Variants in ATP6V0D2 observed in about 807,000 individuals in gnomAD.
ATP6V0D2 encodes ATPase H+ transporting V0 subunit d2.
A neutral mutation model predicts 40.0 loss-of-function variants in ATP6V0D2; 40 were observed. That is an observed-to-expected ratio of 1.00 (90% CI 0.78 to 1.30). The LOEUF (loss-of-function observed/expected upper bound fraction) is 1.30, where lower values mean the gene tolerates loss of function less well. ATP6V0D2 is among the 50% of genes most tolerant of loss of function. ATP6V0D2 has a pLI of 0.00. For missense variants in ATP6V0D2, 470 were observed against 423.1 expected (o/e 1.11, Z -0.97); for synonymous variants, 179 against 156.3 (o/e 1.15, Z -1.08).
At chr8:86,150,763 A>G (rs1296801014) in intron 6 of ATP6V0D2, among the ~76,000 whole-genome samples, 1 of 152,140 alleles carries the variant, frequency 6.6e-6, no homozygotes, top group Non-Finnish European at 1.5e-5. Flanking sequence ...AAATCAGGAG[A>G]GGAAACATAG....
intron 5 of ATP6V0D2, among the ~76,000 whole-genome samples, chr8:86,145,255 G>GAGAGAGAAAGAAAGAA (rs1563566173): frequency 3.9e-5 from 2 of 51,834 alleles, no homozygotes; most frequent in African/African-American, 1.1e-4. Context: ...GAGAGAGAGA[G>GAGAGAGAAAGAAAGAA]AGAAAGAAAG....
At chr8:86,115,590 G>C (rs1437260092) in intron 2 of ATP6V0D2, among the ~76,000 whole-genome samples, 1 of 151,460 alleles carries the variant, frequency 6.6e-6, no homozygotes, top group African/African-American at 2.4e-5. Flanking sequence ...GGCTGGTCTC[G>C]AGCTTCCAAC....
intron 5 of ATP6V0D2, among the ~76,000 whole-genome samples, chr8:86,149,442 T>A (rs1819113636): frequency 6.6e-6 from 1 of 152,176 alleles, no homozygotes; most frequent in South Asian, 2.1e-4. Flanking sequence ...TGTGTTGACC[T>A]ACCTGGAAGA....
chr8:86,102,574 A>G (rs1048251286), intron 1 of ATP6V0D2, among the ~76,000 whole-genome samples: 24 of 152,260 alleles, frequency 1.6e-4, no homozygotes, highest in Non-Finnish European at 2.4e-4. Context: ...TTGTTTTAGA[A>G]CAACTTGCAA....
chr8:86,129,956 C>G (rs1219182706), intron 2 of ATP6V0D2, among the ~76,000 whole-genome samples: 2 of 126,018 alleles, frequency 1.6e-5, no homozygotes, highest in Non-Finnish European at 3.2e-5. Flanking sequence ...CAGCCTGGGT[C>G]ACAGAGAGAG....
Position 86,151,242 on chromosome 8 carries a change from T to C in ATP6V0D2, c.817-224T>C, listed in dbSNP as rs1432125068. ...ACTGTATACTGAGAGTTGAATTGCC[T>C]TGTAGCCCTGAACAAGCCAATAGGC... is the stretch of plus-strand genomic sequence containing the variant. On this transcript the variant is annotated intron_variant, in intron 6 of 7. Transcript: ENST00000285393. Among the ~76,000 whole-genome samples the C allele has an allele frequency of 3.3e-5, 5 of 152,170 alleles. No individual in the cohort carries two copies. The East Asian group carries it at 5.8e-4, about 18-fold the overall frequency.
intron 1 of ATP6V0D2, among the ~76,000 whole-genome samples, chr8:86,099,511 G>A (rs1456998838): frequency 6.6e-6 from 1 of 152,070 alleles, no homozygotes; most frequent in Non-Finnish European, 1.5e-5. Flanking sequence ...TTTATTTATT[G>A]AGATGGAGTT....
intron 3 of ATP6V0D2, among the ~76,000 whole-genome samples, chr8:86,141,228 G>T (rs965931998): frequency 1.3e-4 from 20 of 152,198 alleles, no homozygotes; most frequent in Non-Finnish European, 2.1e-4. Context: ...TGGCCTGGGG[G>T]TTGGGGACCC....
chr8:86,108,390 C>T (rs1303874841), intron 1 of ATP6V0D2, among the ~76,000 whole-genome samples: 2 of 152,178 alleles, frequency 1.3e-5, no homozygotes, highest in Non-Finnish European at 2.9e-5. Flanking sequence ...AATCCTCCCA[C>T]CTTGGCCTCC....
At chr8:86,099,199 T>A in intron 1 of ATP6V0D2, 91 bp downstream of exon 1, 2 of 1,383,280 alleles carry the variant, frequency 1.4e-6, no homozygotes, top group Middle Eastern at 1.9e-4. Context: ...AAGCCCATAA[T>A]CATATGGTTT....
chr8:86,114,402 C>T (rs878957516), intron 2 of ATP6V0D2, among the ~76,000 whole-genome samples: 10 of 152,086 alleles, frequency 6.6e-5, no homozygotes, highest in Admixed American at 5.2e-4. Flanking sequence ...CCGGGAGCTG[C>T]GGCTCATGCC....
At chr8:86,147,551 T>A (rs374132807) in intron 5 of ATP6V0D2, among the ~76,000 whole-genome samples, 5 of 152,246 alleles carry the variant, frequency 3.3e-5, no homozygotes, top group South Asian at 4.1e-4. Flanking sequence ...TGCTTAGGGA[T>A]GGTCAAAGAA....
chr8:86,115,357 C>CCTTT (rs1586088786), intron 2 of ATP6V0D2, among the ~76,000 whole-genome samples: 5 of 79,500 alleles, frequency 6.3e-5, no homozygotes, highest in Admixed American at 1.4e-4. Context: ...CCGTATCATC[C>CCTTT]ATTTTTTTTT....
intron 2 of ATP6V0D2, among the ~76,000 whole-genome samples, chr8:86,136,482 G>C (rs1339713701): frequency 5.3e-5 from 8 of 152,020 alleles, no homozygotes; most frequent in African/African-American, 1.9e-4. Flanking sequence ...GCCCTCTGAG[G>C]TAATTGCTTT....
At chr8:86,146,925 A>G (rs182072089) in intron 5 of ATP6V0D2, among the ~76,000 whole-genome samples, 1 of 152,292 alleles carries the variant, frequency 6.6e-6, no homozygotes, top group East Asian at 1.9e-4. Flanking sequence ...AGAGACTTCA[A>G]GAGACTTAAT....
intron 5 of ATP6V0D2, among the ~76,000 whole-genome samples, chr8:86,147,421 T>C (rs1819085997): frequency 6.6e-6 from 1 of 152,172 alleles, no homozygotes; most frequent in Non-Finnish European, 1.5e-5. Context: ...AAAAGGAAAG[T>C]CATGGGACTG....
chr8:86,117,795 C>T (rs527981461), intron 2 of ATP6V0D2, among the ~76,000 whole-genome samples: 64 of 152,188 alleles, frequency 4.2e-4, no homozygotes, highest in Non-Finnish European at 7.9e-4. Context: ...CCTTAGCATC[C>T]GGGTCTGAAA....
At chr8:86,120,407 C>A (rs997326869) in intron 2 of ATP6V0D2, among the ~76,000 whole-genome samples, 25 of 151,904 alleles carry the variant, frequency 1.6e-4, no homozygotes, top group African/African-American at 3.1e-4. Context: ...TCAAAAAAAA[C>A]CAAAAACAAA....
chr8:86,149,285 A>G (rs2129644051), intron 5 of ATP6V0D2, among the ~76,000 whole-genome samples: 1 of 152,080 alleles, frequency 6.6e-6, no homozygotes, highest in East Asian at 1.9e-4. Context: ...GAGGAGGAGA[A>G]CCAAGAGACT....
Sources: allele counts gnomAD v4.1 joint callset (sites outside exome capture counted in the v4.1 genomes callset), GRCh38; gene constraint gnomAD v4.1.1; transcripts MANE v1.5; gene names NCBI Gene and HGNC (gene_info 2026-07-23, HGNC 2026-07-21).